NOS1: variants seen among roughly 807,000 people sequenced by gnomAD.
The protein encoded by NOS1 is nitric oxide synthase 1.
In NOS1, 51 loss-of-function variants were observed where a neutral mutation model predicts 164.5. The ratio of observed to expected loss-of-function variants is 0.31; its 90% CI spans 0.25 to 0.39. The LOEUF (loss-of-function observed/expected upper bound fraction) is 0.39. NOS1 is among the 10% of genes least tolerant of loss of function. NOS1 has a pLI of 1.00. For synonymous variants in NOS1, 719 were observed against 745.8 expected (o/e 0.96, Z 0.59); for missense variants, 1,362 against 1,885.6 (o/e 0.72, Z 5.14).
chr12:117,297,023 C>A (rs898123710), intron 3 of NOS1, among the ~76,000 whole-genome samples: 1 of 152,198 alleles, frequency 6.6e-6, no homozygotes. Context: ...AGGCAATGGT[C>A]CTTTGTGATT....
chr12:117,261,177 T>TC (rs1871874737), intron 13 of NOS1, among the ~76,000 whole-genome samples: 1 of 39,136 alleles, frequency 2.6e-5, no homozygotes, highest in Non-Finnish European at 3.8e-5. Context: ...AGACTCTGCC[T>TC]CAAAAAAAAA....
At chr12:117,299,635 C>CAAAAAAAA (rs35293946) in intron 3 of NOS1, among the ~76,000 whole-genome samples, 1 of 89,300 alleles carries the variant, frequency 1.1e-5, no homozygotes, top group Non-Finnish European at 2.2e-5. Flanking sequence ...ACTTTGTCTC[C>CAAAAAAAA]AAAAAAAAAA....
intron 24 of NOS1, 150 bp from the exon 25 acceptor site, chr12:117,225,287 G>T: frequency 1.9e-6 from 2 of 1,029,416 alleles, no homozygotes; most frequent in Non-Finnish European, 2.8e-6. Flanking sequence ...TTTCCAGGGT[G>T]GGAGTCTCAT....
rs1416402586 is a variant in NOS1 at position 117,213,352 on chromosome 12, G to A, written c.*1957C>T. Reference sequence around the variant, plus strand: ...GAGTTTAGAATGGGCTTCCCTTCAGGATTAGAAGGGGTGAGTGTGGGATGC... The same window carrying A: ...GAGTTTAGAATGGGCTTCCCTTCAGAATTAGAAGGGGTGAGTGTGGGATGC... On this transcript the variant is annotated 3_prime_UTR_variant, in exon 29 of 29. Coordinates refer to ENST00000317775, the MANE Select transcript of NOS1 (RefSeq NM_000620.5). 3.0e-6 allele frequency: 3 copies of A among 985,336 alleles called. No homozygotes were observed. The East Asian group carries it at 3.4e-4, about 112-fold the overall frequency. 61.0% of individuals were successfully genotyped at this position (985,336 alleles called of 1,614,324 possible).
chr12:117,238,813 C>G (rs1869933552), intron 20 of NOS1, among the ~76,000 whole-genome samples: 1 of 152,100 alleles, frequency 6.6e-6, no homozygotes, highest in South Asian at 2.1e-4. Flanking sequence ...CTGCACCCGG[C>G]CCTTTCTTTC....
intron 1 of NOS1, among the ~76,000 whole-genome samples, chr12:117,346,472 G>GAAAACA (rs1490184384): frequency 6.6e-6 from 1 of 152,080 alleles, no homozygotes; most frequent in Admixed American, 6.5e-5. Context: ...CTCTGTCTCA[G>GAAAACA]AAAACAAAAA....
chr12:117,234,834 C>G lies in NOS1; in HGVS notation c.3042-76G>C. On this transcript the variant is annotated intron_variant, in intron 20 of 28. Coordinates refer to ENST00000317775, the MANE Select transcript of NOS1 (RefSeq NM_000620.5). The surrounding 1 kb of genome is among the most constrained non-coding windows in gnomAD (Gnocchi z 4.3). ...TCCTTTTTTTGCTCTTCTGTCTGTC[C>G]TTGTTGGCTGCAATTCTCCTCCTTC... 1 of 1,303,978 alleles carries G rather than the reference C, an allele frequency of 7.7e-7. No homozygotes were observed. Among genetic ancestry groups the G allele is most frequent in the South Asian group, 1.5e-5 (1 of 68,286 alleles). 80.8% of individuals were successfully genotyped at this position (1,303,978 alleles called of 1,614,324 possible). A position where few individuals can be genotyped will look rare whatever the true frequency, so the allele number is the denominator to read the frequency against.
chr12:117,251,770 C>T (rs773392325), intron 17 of NOS1, among the ~76,000 whole-genome samples: 1 of 149,356 alleles, frequency 6.7e-6, no homozygotes, highest in Admixed American at 6.7e-5. Flanking sequence ...TTTGCTCTAT[C>T]GTCCAGGCTG....
chr12:117,265,380 C>T lies in NOS1; in HGVS notation c.2072G>A (p.Ser691Asn). 6.3e-7 allele frequency: 1 copy of T among 1,589,598 alleles called. No homozygotes were observed. The highest frequency in any genetic ancestry group is 8.6e-7 in the Non-Finnish European group (1 of 1,167,200). Residue 691 changes from serine to asparagine, a missense_variant, in exon 12 of 29, where the codon AGC becomes AAC. Physicochemically the swap from Ser to Asn is conservative, Grantham distance 46. Around this residue, in one of 4 missense-constraint regions of NOS1, gnomAD observed 737 missense variants for 1,030.3 expected, o/e 0.72. Transcript: ENST00000317775. ...CTCCTGGTGGAACACAGGGGTGATGCTTCCGGACATGGGGGGCACGATCCA... is the reference window on the plus strand; with the variant it reads ...CTCCTGGTGGAACACAGGGGTGATGTTTCCGGACATGGGGGGCACGATCCA... ...WVWIVPPMSG[S>N]ITPVFHQEML...
At chr12:117,291,723 T>TG (rs1201244766) in intron 3 of NOS1, among the ~76,000 whole-genome samples, 4 of 151,758 alleles carry the variant, frequency 2.6e-5, no homozygotes, top group Admixed American at 6.6e-5. Context: ...TTTGTAGAGA[T>TG]GGGGGTCTCA....
intron 2 of NOS1, among the ~76,000 whole-genome samples, chr12:117,316,136 T>G (rs1452500430): frequency 6.6e-6 from 1 of 152,176 alleles, no homozygotes; most frequent in African/African-American, 2.4e-5. Context: ...ACATGTGGCT[T>G]AAGTCTATAT....
chr12:117,225,619 A>G (rs1197447357), intron 24 of NOS1, among the ~76,000 whole-genome samples: 1 of 151,598 alleles, frequency 6.6e-6, no homozygotes, highest in African/African-American at 2.4e-5. Flanking sequence ...TTTGAGAGCC[A>G]CCATTTTTTT....
chr12:117,226,530 C>T (rs1401899410), intron 24 of NOS1, among the ~76,000 whole-genome samples, 153 bp downstream of exon 24: 2 of 152,186 alleles, frequency 1.3e-5, no homozygotes, highest in Non-Finnish European at 2.9e-5. Context: ...ATCTTGTTTC[C>T]TTAACAACTA....
At chr12:117,285,531 G>GAA (rs57100884) in intron 6 of NOS1, among the ~76,000 whole-genome samples, 199 bp from the exon 7 acceptor site, 2 of 142,272 alleles carry the variant, frequency 1.4e-5, no homozygotes, top group African/African-American at 5.1e-5. Flanking sequence ...AATTTGACCA[G>GAA]AAAAAAAAAA....
At position 117,209,556 on chromosome 12, in the gene NOS1, T is replaced by C; in HGVS notation, c.*5753A>G. On this transcript the variant is annotated 3_prime_UTR_variant, in exon 29 of 29. Coordinates refer to ENST00000317775, the MANE Select transcript of NOS1 (RefSeq NM_000620.5). ...ATCTCGTTAATAACGGACTGTGTTT[T>C]GGGCCAGACGGGCATAGCCCCGCTT... The C allele has an allele frequency of 1.0e-6, 1 of 985,542 alleles. No homozygotes were observed. The highest frequency in any genetic ancestry group is 1.2e-6 in the Non-Finnish European group (1 of 829,972). The allele number at this position is 985,542 out of a possible 1,614,324, so 61.0% of individuals were successfully genotyped here.
intron 1 of NOS1, among the ~76,000 whole-genome samples, chr12:117,340,278 A>G (rs1187152007): frequency 2.6e-5 from 4 of 152,210 alleles, no homozygotes; most frequent in African/African-American, 9.6e-5. Flanking sequence ...TGCAGAGTTT[A>G]TAAGCATGAA....
At chr12:117,326,557 C>T (rs1875263034) in intron 2 of NOS1, among the ~76,000 whole-genome samples, 2 of 152,236 alleles carry the variant, frequency 1.3e-5, no homozygotes, top group Admixed American at 1.3e-4. Context: ...AAGCCACCTT[C>T]TCTAGACCTT....
At chr12:117,324,687 G>T (rs1875153877) in intron 2 of NOS1, among the ~76,000 whole-genome samples, 1 of 149,324 alleles carries the variant, frequency 6.7e-6, no homozygotes, top group African/African-American at 2.6e-5. Context: ...CTGCACTCCA[G>T]CCTGGGCTAC....
intron 1 of NOS1, among the ~76,000 whole-genome samples, chr12:117,353,829 T>C (rs1245012098): frequency 3.9e-5 from 6 of 152,094 alleles, no homozygotes; most frequent in Non-Finnish European, 8.8e-5. Flanking sequence ...CATTTTGGGC[T>C]GGGCTCAGGC....
Sources: gnomAD v4.1 joint callset for allele counts (sites outside exome capture counted in the v4.1 genomes callset) on GRCh38, gnomAD v4.1.1 for gene constraint, gnomAD v4.1.1 regional missense constraint, Gnocchi (gnomAD v3.1) non-coding constraint, MANE v1.5 for transcripts, NCBI Gene and HGNC (gene_info 2026-07-23, HGNC 2026-07-21) for gene names.